ITIH5: variants seen among roughly 807,000 people sequenced by gnomAD.
ITIH5 encodes the protein inter-alpha-trypsin inhibitor heavy chain H5.
ITIH5 carries 65 observed loss-of-function variants against 77.5 expected under a neutral mutation model. The observed-to-expected ratio is 0.84, with a 90% confidence interval of 0.69 to 1.03. The LOEUF is 1.03. Among genes scored for constraint, ITIH5 ranks in the 50% least tolerant of loss-of-function variants. The pLI, the probability that ITIH5 is intolerant of heterozygous loss-of-function variation, is 0.00. For missense variants in ITIH5, 1,208 were observed against 1,213.1 expected (o/e 1.00, Z 0.06); for synonymous variants, 525 against 494.3 (o/e 1.06, Z -0.82).
In ITIH5 at chr10:7,630,723, C is replaced by G. The variant is rs939249718; in HGVS notation, c.652+6505G>C. ...TTTGTATATTCTGGACACTAGACTCCTATCAAATATATGATTTGCAAATAT... is the reference window on the plus strand; with the variant it reads ...TTTGTATATTCTGGACACTAGACTCGTATCAAATATATGATTTGCAAATAT... On this transcript the variant is annotated intron_variant, in intron 5 of 13. Transcript: ENST00000397146. 3.3e-5 allele frequency among the ~76,000 whole-genome samples: 5 copies of G among 152,218 alleles called. No homozygotes were observed. The East Asian group carries it at 7.7e-4, about 23-fold the overall frequency.
intron 7 of ITIH5, among the ~76,000 whole-genome samples, chr10:7,607,130 C>A (rs577497773): frequency 7.9e-5 from 12 of 152,348 alleles, no homozygotes; most frequent in Admixed American, 6.5e-4. Context: ...CGAGAATAAA[C>A]ACAATCAACT....
intron 10 of ITIH5, among the ~76,000 whole-genome samples, chr10:7,574,666 ACCCGTAGT>A (rs1832370554): frequency 1.3e-5 from 2 of 151,748 alleles, no homozygotes; most frequent in South Asian, 4.2e-4. Flanking sequence ...GGTGGTGGGC[ACCCGTAGT>A]CCCAGCTACT....
chr10:7,638,395 T>C (rs888617153), intron 4 of ITIH5, among the ~76,000 whole-genome samples: 2 of 152,262 alleles, frequency 1.3e-5, no homozygotes, highest in South Asian at 2.1e-4. Context: ...GAAAAGAGAC[T>C]GACACCGAAA....
intron 7 of ITIH5, among the ~76,000 whole-genome samples, chr10:7,594,739 G>C (rs1373935825): frequency 6.6e-6 from 1 of 152,146 alleles, no homozygotes; most frequent in Non-Finnish European, 1.5e-5. Flanking sequence ...GAAACCAAGG[G>C]GATGGGGTTA....
Position 7,573,170 on chromosome 10 carries a change from C to T in ITIH5, c.2004G>A (p.Gln668=). ...ATGTTTTAGAGATTTTAATTCTTGG[C>T]TGGTATGGCTTCTTGAGCAAAGGTC... ...QPGPLLKKPY[Q]PRIKISKTSV... is the part of the protein sequence containing the mutation. Residue 668 remains glutamine, a synonymous_variant, in exon 11 of 14, where the codon CAG becomes CAA. Transcript: ENST00000397146. 6.2e-7 allele frequency: 1 copy of T among 1,613,730 alleles called. No individual in the cohort carries two copies. Among genetic ancestry groups the T allele is most frequent in the South Asian group, 1.1e-5 (1 of 91,070 alleles).
rs187446730 is a variant in ITIH5, at chr10:7,665,673, G to A, written c.90+1130C>T. ...AAATTAGCTGAGTCCTTGCAAGTTT[G>A]CTCAAAAAGAGCCGCATTCCCTGCC... On this transcript the variant is annotated intron_variant, in intron 1 of 13. Coordinates refer to ENST00000397146, the MANE Select transcript of ITIH5 (RefSeq NM_030569.7). 2.0e-5 allele frequency among the ~76,000 whole-genome samples: 3 copies of A among 152,326 alleles called. No individual in the cohort carries two copies. The East Asian group carries it at 5.8e-4, about 29-fold the overall frequency.
At chr10:7,653,440 T>C (rs1834132579) in intron 2 of ITIH5, among the ~76,000 whole-genome samples, 1 of 152,154 alleles carries the variant, frequency 6.6e-6, no homozygotes, top group African/African-American at 2.4e-5. Flanking sequence ...ACTCCAGACC[T>C]CAGGTGATTC....
chr10:7,593,183 G>A (rs1269299087), intron 7 of ITIH5, among the ~76,000 whole-genome samples: 1 of 152,052 alleles, frequency 6.6e-6, no homozygotes, highest in Non-Finnish European at 1.5e-5. Flanking sequence ...GCAGCTACAG[G>A]CTCCTTATGA....
At chr10:7,582,996 A>T (rs1240631091) in intron 8 of ITIH5, among the ~76,000 whole-genome samples, 2 of 152,186 alleles carry the variant, frequency 1.3e-5, no homozygotes, top group Non-Finnish European at 2.9e-5. Context: ...GTATAATTGG[A>T]TTGTTTGTAA....
intron 1 of ITIH5, among the ~76,000 whole-genome samples, chr10:7,663,797 T>C (rs1460128584): frequency 3.9e-5 from 6 of 152,166 alleles, no homozygotes; most frequent in Non-Finnish European, 8.8e-5. Flanking sequence ...GGTCCAGATA[T>C]GAGCCCAGGC....
At chr10:7,579,117 C>T (rs1323424285) in intron 9 of ITIH5, among the ~76,000 whole-genome samples, 1 of 152,240 alleles carries the variant, frequency 6.6e-6, no homozygotes, top group Non-Finnish European at 1.5e-5. Flanking sequence ...TATGGGATGG[C>T]CACTGTGCCA....
intron 8 of ITIH5, among the ~76,000 whole-genome samples, chr10:7,585,015 T>C (rs1390847310): frequency 6.6e-6 from 1 of 152,102 alleles, no homozygotes; most frequent in Non-Finnish European, 1.5e-5. Flanking sequence ...TGGGAAACCA[T>C]GAATATAAGA....
intron 7 of ITIH5, among the ~76,000 whole-genome samples, chr10:7,601,716 A>G (rs1292966630): frequency 1.3e-5 from 2 of 152,154 alleles, no homozygotes; most frequent in Non-Finnish European, 2.9e-5. Context: ...CCTGAGCAGC[A>G]GCTTTTCTCA....
At chr10:7,633,759 T>A (rs887756578) in intron 5 of ITIH5, among the ~76,000 whole-genome samples, 1 of 152,052 alleles carries the variant, frequency 6.6e-6, no homozygotes, top group African/African-American at 2.4e-5. Flanking sequence ...CACACAGTAG[T>A]AATCCTCATC....
intron 1 of ITIH5, among the ~76,000 whole-genome samples, chr10:7,666,468 T>C (rs1470067286): frequency 6.6e-6 from 1 of 152,008 alleles, no homozygotes; most frequent in Non-Finnish European, 1.5e-5. Flanking sequence ...CCACGCGTGA[T>C]AAGGAAAAAA....
At chr10:7,564,970 C>G (rs117286884) in intron 13 of ITIH5, among the ~76,000 whole-genome samples, 2 of 135,946 alleles carry the variant, frequency 1.5e-5, no homozygotes, top group Admixed American at 1.4e-4. Context: ...CATACATATA[C>G]ATATACACAC....
Position 7,562,727 on chromosome 10 carries a change from T to A in ITIH5, c.*356A>T. 4.6e-6 allele frequency: 1 copy of A among 216,540 alleles called. No individual in the cohort carries two copies. The highest frequency in any genetic ancestry group is 9.3e-6 in the Non-Finnish European group (1 of 107,562). The allele number at this position is 216,540 out of a possible 1,614,324, so 13.4% of individuals were successfully genotyped here. A position where few individuals can be genotyped will look rare whatever the true frequency, so the allele number is the denominator to read the frequency against. The stretch of plus-strand genomic sequence containing the variant: ...AAAAAAAGTTTCATAGCAACCTTCC[T>A]TCACCAGAAAGGCTTACTTTATGAT... On this transcript the variant is annotated 3_prime_UTR_variant, in exon 14 of 14. Transcript: ENST00000397146.
At chr10:7,662,523 A>G (rs893188747) in intron 1 of ITIH5, among the ~76,000 whole-genome samples, 8 of 152,344 alleles carry the variant, frequency 5.3e-5, no homozygotes, top group Middle Eastern at 3.4e-3. Flanking sequence ...ACTGCTCCTC[A>G]GATCCAGAAA....
chr10:7,605,710 T>C (rs1160204888), intron 7 of ITIH5, among the ~76,000 whole-genome samples: 1 of 151,620 alleles, frequency 6.6e-6, no homozygotes. Flanking sequence ...GCAATTTCAA[T>C]CAGCCAGCCA....
Sources: gnomAD v4.1 joint callset for allele counts (sites outside exome capture counted in the v4.1 genomes callset) on GRCh38, gnomAD v4.1.1 for gene constraint, MANE v1.5 for transcripts, NCBI Gene and HGNC (gene_info 2026-07-23, HGNC 2026-07-21) for gene names.